Variants in PKIB observed in about 807,000 individuals in gnomAD.
PKIB encodes PKI-beta.
PKIB carries 2 observed loss-of-function variants against 4.5 expected under a neutral mutation model. The observed-to-expected ratio is 0.44, with a 90% CI of 0.18 to 1.39. PKIB has a LOEUF of 1.39. Among genes scored for constraint, PKIB ranks in the 40% most tolerant of loss-of-function variants. The probability of loss-of-function intolerance (pLI) is 0.27; values close to 1 mark genes in which losing one functional copy is unlikely to be tolerated. For synonymous variants in PKIB, 38 were observed against 36.0 expected (o/e 1.06, Z -0.20); for missense variants, 94 against 92.6 (o/e 1.02, Z -0.06).
upstream of PKIB, chr6:122,610,149 C>T (rs1483485371): frequency 6.6e-5 from 10 of 152,174 alleles, no homozygotes; most frequent in African/African-American, 2.4e-4. Flanking sequence ...GCGGGGAGGA[C>T]GCGGGTTGTG....
intron 3 of PKIB, among the ~76,000 whole-genome samples, chr6:122,715,292 A>G (rs1366477423): frequency 6.6e-6 from 1 of 152,056 alleles, no homozygotes; most frequent in East Asian, 1.9e-4. Flanking sequence ...TTAGACTATC[A>G]GGCAAGTAAG....
intron 2 of PKIB, among the ~76,000 whole-genome samples, chr6:122,508,441 A>G (rs1419212477): frequency 6.6e-6 from 1 of 152,088 alleles, no homozygotes; most frequent in Non-Finnish European, 1.5e-5. Context: ...ATAATTTGAT[A>G]TTTGTTTTTA....
chr6:122,529,134 T>A (rs1355709460), intron 2 of PKIB, among the ~76,000 whole-genome samples: 1 of 152,182 alleles, frequency 6.6e-6, no homozygotes, highest in Non-Finnish European at 1.5e-5. Flanking sequence ...AGCTTCTCTG[T>A]TTCTCCTTTC....
chr6:122,667,409 C>T (rs537090926), intron 2 of PKIB, among the ~76,000 whole-genome samples: 2 of 152,082 alleles, frequency 1.3e-5, no homozygotes, highest in East Asian at 2.0e-4. Context: ...TGGTGGCGGG[C>T]GCCTGTAGTC....
At chr6:122,578,565 C>A (rs1175533342) in intron 2 of PKIB, among the ~76,000 whole-genome samples, 1 of 152,106 alleles carries the variant, frequency 6.6e-6, no homozygotes, top group East Asian at 1.9e-4. Context: ...TGTGCAGGTT[C>A]TCTTTGTCTA....
At chr6:122,694,621 G>A (rs551895771) in intron 3 of PKIB, among the ~76,000 whole-genome samples, 1 of 152,124 alleles carries the variant, frequency 6.6e-6, no homozygotes, top group East Asian at 1.9e-4. Context: ...GTGGAGTGGT[G>A]CATAAGAAAA....
intron 3 of PKIB, among the ~76,000 whole-genome samples, chr6:122,675,704 CT>C (rs1442349472): frequency 6.6e-6 from 1 of 151,912 alleles, no homozygotes; most frequent in Admixed American, 6.6e-5. Context: ...ATCTAGGAGA[CT>C]TTTTCTATTT....
rs1236198033 is a variant in PKIB at position 122,538,236 on chromosome 6, G to A, written c.-247-47685G>A. 6.6e-5 allele frequency among the ~76,000 whole-genome samples: 10 copies of A among 152,194 alleles called. No individual in the cohort carries two copies. The East Asian group carries it at 1.9e-3, about 29-fold the overall frequency. ...TGTTGCCATTGCTTTTGGTGTTTTAGACATGAAGTCCTTGCCCATGCCTAT... is the reference window on the plus strand; with the variant it reads ...TGTTGCCATTGCTTTTGGTGTTTTAAACATGAAGTCCTTGCCCATGCCTAT... On this transcript the variant is annotated intron_variant, in intron 2 of 6. Transcript: ENST00000392491.
chr6:122,703,101 CT>C (rs1489374256), intron 3 of PKIB, among the ~76,000 whole-genome samples: 5 of 152,086 alleles, frequency 3.3e-5, no homozygotes, highest in African/African-American at 1.2e-4. Flanking sequence ...AATGTATCAG[CT>C]CTATTCTGTG....
chr6:122,600,078 A>G (rs1187197963), intron 3 of PKIB, among the ~76,000 whole-genome samples: 2 of 152,116 alleles, frequency 1.3e-5, no homozygotes, highest in East Asian at 1.9e-4. Flanking sequence ...ATTAGCTTAC[A>G]TGATCACAAG....
chr6:122,697,435 C>T (rs1048688923), intron 3 of PKIB, among the ~76,000 whole-genome samples: 2 of 151,714 alleles, frequency 1.3e-5, no homozygotes, highest in Non-Finnish European at 2.9e-5. Flanking sequence ...GATGTGCCTT[C>T]CTAGGAAGCA....
chr6:122,612,037 A>G lies in PKIB; in HGVS notation c.-161+1502A>G, dbSNP rs144291722. Among the ~76,000 whole-genome samples the G allele has an allele frequency of 2.3e-3, 349 of 152,338 alleles. 4 individuals carry two copies. Among genetic ancestry groups the G allele is most frequent in the East Asian group, 0.01 (53 of 5,184 alleles). On this transcript the variant is annotated intron_variant, in intron 1 of 4. Transcript: ENST00000368452. ...CCACAACTTTCTTCAATAAAATATC[A>G]AAGACTAATGGACCACATTATGCAG...
chr6:122,523,862 G>A (rs182984719), intron 2 of PKIB, among the ~76,000 whole-genome samples: 16 of 151,322 alleles, frequency 1.1e-4, no homozygotes, highest in Admixed American at 2.0e-4. Flanking sequence ...CTTCTCCTTC[G>A]CCTTCTGCCA....
chr6:122,646,045 G>A (rs1776302672), intron 2 of PKIB, among the ~76,000 whole-genome samples: 1 of 152,042 alleles, frequency 6.6e-6, no homozygotes, highest in African/African-American at 2.4e-5. Flanking sequence ...CTCACATGGG[G>A]CCTAGGCGAA....
At chr6:122,578,247 A>C (rs1773606790) in intron 2 of PKIB, among the ~76,000 whole-genome samples, 2 of 152,196 alleles carry the variant, frequency 1.3e-5, no homozygotes, top group South Asian at 4.1e-4. Context: ...AGGATTTGGA[A>C]AATAAGTTAG....
intron 3 of PKIB, among the ~76,000 whole-genome samples, chr6:122,689,060 C>T (rs1349154110): frequency 5.3e-5 from 8 of 152,120 alleles, no homozygotes; most frequent in Non-Finnish European, 7.4e-5. Context: ...GGATTACAGG[C>T]GTGAGCCACC....
At chr6:122,709,301 CAA>C (rs1779183394) in intron 3 of PKIB, among the ~76,000 whole-genome samples, 1 of 152,118 alleles carries the variant, frequency 6.6e-6, no homozygotes, top group African/African-American at 2.4e-5. Flanking sequence ...GTGTAACAAA[CAA>C]GAGGACTAAG....
intron 2 of PKIB, among the ~76,000 whole-genome samples, chr6:122,666,340 C>T (rs1166253966): frequency 6.6e-6 from 1 of 152,176 alleles, no homozygotes; most frequent in Non-Finnish European, 1.5e-5. Flanking sequence ...TGTAAGGGCT[C>T]ATTTAGCTAA....
intron 3 of PKIB, among the ~76,000 whole-genome samples, chr6:122,680,867 A>G (rs1291082668): frequency 6.6e-6 from 1 of 152,160 alleles, no homozygotes; most frequent in Non-Finnish European, 1.5e-5. Flanking sequence ...TCATACTATT[A>G]CTTAAAATCC....
Sources: gnomAD v4.1 joint callset for allele counts (sites outside exome capture counted in the v4.1 genomes callset) on GRCh38, gnomAD v4.1.1 for gene constraint, MANE v1.5 for transcripts, NCBI Gene and HGNC (gene_info 2026-07-23, HGNC 2026-07-21) for gene names.